PACRG: variants seen among roughly 807,000 people sequenced by gnomAD.
The protein encoded by PACRG is parkin coregulated.
Under a neutral mutation model 29.7 loss-of-function variants are expected in PACRG, and 29 were observed. The ratio of observed to expected loss-of-function variants is 0.98; its 90% CI spans 0.73 to 1.33. The LOEUF is 1.33. Ranked by LOEUF, PACRG falls within the 40% of genes most tolerant of loss-of-function variation. PACRG has a pLI of 0.00. For synonymous variants in PACRG, 116 were observed against 118.7 expected, an observed-to-expected ratio of 0.98 and a Z score of 0.15; for missense variants, 279 against 316.2, an observed-to-expected ratio of 0.88 and a Z score of 0.89.
chr6:162,885,618 A>G (rs1288849283), intron 2 of PACRG, among the ~76,000 whole-genome samples: 1 of 152,180 alleles, frequency 6.6e-6, no homozygotes, highest in Non-Finnish European at 1.5e-5. Context: ...TGAATTATGT[A>G]TTGATCGTTG....
At chr6:162,828,997 C>T (rs1394375267) in intron 2 of PACRG, among the ~76,000 whole-genome samples, 1 of 152,156 alleles carries the variant, frequency 6.6e-6, no homozygotes, top group Non-Finnish European at 1.5e-5. Context: ...TACATTTCAA[C>T]ATAAATATTT....
intron 4 of PACRG, among the ~76,000 whole-genome samples, chr6:163,275,596 T>C (rs150212126): frequency 1.6e-3 from 247 of 152,350 alleles, no homozygotes; most frequent in African/African-American, 5.3e-3. Context: ...TTGGTTTGTA[T>C]AGATATTTCT....
chr6:163,143,609 A>G (rs1777643729), intron 4 of PACRG, among the ~76,000 whole-genome samples: 1 of 152,138 alleles, frequency 6.6e-6, no homozygotes, highest in Non-Finnish European at 1.5e-5. Context: ...TCATGTAGTT[A>G]CTCTGTGTGT....
In PACRG at chr6:162,728,082, C is replaced by T. The variant is rs971866553; in HGVS notation, c.-154C>T. The T allele has an allele frequency of 2.1e-6, 2 of 936,156 alleles. No homozygotes were observed. Among genetic ancestry groups the T allele is most frequent in the Admixed American group, 4.5e-5 (2 of 44,232 alleles). The allele number at this position is 936,156 out of a possible 1,614,324, so 58.0% of individuals were successfully genotyped here. On this transcript the variant is annotated 5_prime_UTR_variant, in exon 1 of 5. Transcript: ENST00000366888. ...TCCAGCTCCCTTCACCTAGGAGCTG[C>T]CAAACATCTGGATCAACCTGGGCAC...
intron 4 of PACRG, among the ~76,000 whole-genome samples, chr6:163,150,008 C>T (rs1383037778): frequency 6.6e-6 from 1 of 152,206 alleles, no homozygotes; most frequent in East Asian, 1.9e-4. Context: ...GACTGTCTAG[C>T]TGTGCGTTAG....
intron 2 of PACRG, among the ~76,000 whole-genome samples, chr6:162,815,177 G>T (rs761776210): frequency 6.6e-6 from 1 of 152,042 alleles, no homozygotes; most frequent in Non-Finnish European, 1.5e-5. Flanking sequence ...GACAAGAAAA[G>T]GTTTTGGCCA....
At chr6:162,950,872 T>C (rs1183604393) in intron 2 of PACRG, among the ~76,000 whole-genome samples, 1 of 152,136 alleles carries the variant, frequency 6.6e-6, no homozygotes, top group Non-Finnish European at 1.5e-5. Context: ...GATAAACCAG[T>C]TGATGAAAAT....
chr6:162,917,785 C>G (rs973403602), intron 2 of PACRG, among the ~76,000 whole-genome samples: 1 of 152,188 alleles, frequency 6.6e-6, no homozygotes, highest in African/African-American at 2.4e-5. Flanking sequence ...TAACCTCTCT[C>G]TCTCACTATG....
intron 2 of PACRG, among the ~76,000 whole-genome samples, chr6:162,856,584 C>T (rs917904478): frequency 2.7e-5 from 3 of 111,486 alleles, no homozygotes; most frequent in African/African-American, 1.1e-4. Context: ...GTGAGCGGCA[C>T]GTCTCGAAGA....
chr6:162,759,978 A>G (rs140049374), intron 1 of PACRG, among the ~76,000 whole-genome samples: 1 of 152,332 alleles, frequency 6.6e-6, no homozygotes, highest in Non-Finnish European at 1.5e-5. Flanking sequence ...CAGAGAGAAG[A>G]TGAGCAAGGA....
At position 162,853,233 on chromosome 6, in the gene PACRG, G is replaced by A. The variant is rs2128428674; in HGVS notation, c.291+38952G>A. On this transcript the variant is annotated intron_variant, in intron 2 of 4. Coordinates refer to ENST00000366888, the MANE Select transcript of PACRG (RefSeq NM_001080379.2). The surrounding 1 kb of genome is among the most constrained non-coding windows in gnomAD (Gnocchi z 4.7). ...TCCTTAAAATTATTTGCATTTGGGT[G>A]CTCCTTGGAAAGCCTTTGTATGCCA... Among the ~76,000 whole-genome samples the A allele has an allele frequency of 6.6e-6, 1 of 152,290 alleles. No homozygotes were observed.
intron 4 of PACRG, among the ~76,000 whole-genome samples, chr6:163,255,030 C>T (rs1783053985): frequency 6.6e-6 from 1 of 152,232 alleles, no homozygotes; most frequent in Non-Finnish European, 1.5e-5. Context: ...ACATGAGAAA[C>T]AACGTGTTGC....
Position 162,978,472 on chromosome 6 carries a change from T to TCA in PACRG, c.292-83669_292-83668dup, listed in dbSNP as rs1306036374. ...CTGTCTGCCTGTCTGTCTGTCTCTC[T>TCA]CACACACACATACACACACACACAC... On this transcript the variant is annotated intron_variant, in intron 2 of 4. Coordinates refer to ENST00000366888, the MANE Select transcript of PACRG (RefSeq NM_001080379.2). Among the ~76,000 whole-genome samples, 6 of 117,904 alleles carry TCA rather than the reference T, an allele frequency of 5.1e-5. No homozygotes were observed. The East Asian group carries it at 2.4e-3, about 48-fold the overall frequency. 77.3% of individuals were successfully genotyped at this position (117,904 alleles called of 152,430 possible).
Position 163,077,600 on chromosome 6 carries a change from C to T in PACRG, c.464-11659C>T, listed in dbSNP as rs192074080. On this transcript the variant is annotated intron_variant, in intron 3 of 4. Transcript: ENST00000366888. ...AAGCAAGTACAATTGAAATGCATTACCCTTTACTCATGATCTAATAATTTT... is the reference window on the plus strand; with the variant it reads ...AAGCAAGTACAATTGAAATGCATTATCCTTTACTCATGATCTAATAATTTT... Among the ~76,000 whole-genome samples, 7 of 152,212 alleles carry T rather than the reference C, an allele frequency of 4.6e-5. No homozygotes were observed. In the East Asian group the frequency reaches 7.7e-4, roughly 17 times the overall value.
At chr6:163,284,061 C>A (rs918977927) in intron 4 of PACRG, among the ~76,000 whole-genome samples, 1 of 151,664 alleles carries the variant, frequency 6.6e-6, no homozygotes, top group Non-Finnish European at 1.5e-5. Context: ...TGCAGTGAGC[C>A]AAGATCAAAC....
At chr6:162,778,853 C>T (rs1783860303) in intron 1 of PACRG, among the ~76,000 whole-genome samples, 1 of 152,206 alleles carries the variant, frequency 6.6e-6, no homozygotes, top group Admixed American at 6.5e-5. Context: ...CCTGAGGTTC[C>T]AACACTACTT....
At chr6:163,032,279 T>G (rs1562849335) in intron 2 of PACRG, among the ~76,000 whole-genome samples, 1 of 152,332 alleles carries the variant, frequency 6.6e-6, no homozygotes, top group East Asian at 1.9e-4. Flanking sequence ...TTAGTTTAGT[T>G]CATGCAGTTA....
chr6:163,115,555 T>A (rs1215828454), intron 4 of PACRG, among the ~76,000 whole-genome samples: 2 of 152,068 alleles, frequency 1.3e-5, no homozygotes, highest in African/African-American at 4.8e-5. Context: ...AGATAGTTTG[T>A]GTGAAAGATT....
chr6:162,729,053 T>C (rs1432971359), intron 1 of PACRG, among the ~76,000 whole-genome samples: 1 of 152,164 alleles, frequency 6.6e-6, no homozygotes, highest in African/African-American at 2.4e-5. Context: ...CTCTATTATT[T>C]GTAGTAATAA....
Sources: gnomAD v4.1 joint callset for allele counts (sites outside exome capture counted in the v4.1 genomes callset) on GRCh38, gnomAD v4.1.1 for gene constraint, Gnocchi (gnomAD v3.1) non-coding constraint, MANE v1.5 for transcripts, NCBI Gene and HGNC (gene_info 2026-07-23, HGNC 2026-07-21) for gene names.